RAB3C: variants seen among roughly 807,000 people sequenced by gnomAD.
RAB3C encodes ras-related protein Rab-3C.
Under a neutral mutation model 26.4 loss-of-function variants are expected in RAB3C, and 17 were observed. The observed-to-expected ratio is 0.64, with a 90% CI of 0.44 to 0.97. The LOEUF (loss-of-function observed/expected upper bound fraction) is 0.97, where lower values mean the gene tolerates loss of function less well. RAB3C is among the 50% of genes least tolerant of loss of function. RAB3C has a pLI of 0.00. For missense variants in RAB3C, 242 were observed against 281.9 expected (o/e 0.86, Z 1.01); for synonymous variants, 91 against 95.9 (o/e 0.95, Z 0.30).
chr5:58,823,038 C>A, intron 3 of RAB3C: 1 of 574,306 alleles, frequency 1.7e-6, no homozygotes, highest in Non-Finnish European at 3.3e-6. Flanking sequence ...CCTCACAGTA[C>A]CAGATGATTC....
At chr5:58,841,477 G>A (rs1026360295) in intron 4 of RAB3C, among the ~76,000 whole-genome samples, 2 of 152,162 alleles carry the variant, frequency 1.3e-5, no homozygotes, top group Non-Finnish European at 2.9e-5. Flanking sequence ...CCCCAGAGAA[G>A]GGTGGACCCC....
chr5:58,681,671 T>C (rs1256115483), intron 2 of RAB3C, among the ~76,000 whole-genome samples: 1 of 151,974 alleles, frequency 6.6e-6, no homozygotes, highest in Non-Finnish European at 1.5e-5. Flanking sequence ...GTGGCTGGAG[T>C]TGAGGATACA....
chr5:58,624,388 CA>C (rs1219935023), intron 2 of RAB3C, among the ~76,000 whole-genome samples: 3 of 152,182 alleles, frequency 2.0e-5, no homozygotes, highest in African/African-American at 7.2e-5. Context: ...ACTGAGCTAA[CA>C]AAGCCTGATT....
intron 2 of RAB3C, among the ~76,000 whole-genome samples, chr5:58,649,854 T>C (rs1176970202): frequency 6.6e-6 from 1 of 152,160 alleles, no homozygotes; most frequent in Non-Finnish European, 1.5e-5. Flanking sequence ...GGTCTGCCCA[T>C]CACAGACAGC....
At chr5:58,614,139 G>A (rs1442035471) in intron 1 of RAB3C, among the ~76,000 whole-genome samples, 1 of 151,992 alleles carries the variant, frequency 6.6e-6, no homozygotes, top group African/African-American at 2.4e-5. Context: ...AGTTATTTTT[G>A]TATATCTTTT....
chr5:58,587,918 A>G (rs1394332606), intron 1 of RAB3C, among the ~76,000 whole-genome samples: 3 of 152,162 alleles, frequency 2.0e-5, no homozygotes, highest in Non-Finnish European at 2.9e-5. Context: ...ATAGTTCTGT[A>G]GAACATGCAG....
At chr5:58,845,731 C>T (rs1223916880) in intron 4 of RAB3C, among the ~76,000 whole-genome samples, 1 of 148,842 alleles carries the variant, frequency 6.7e-6, no homozygotes, top group African/African-American at 2.5e-5. Flanking sequence ...TAAAATTCAC[C>T]CATTTGAAGT....
intron 2 of RAB3C, among the ~76,000 whole-genome samples, chr5:58,693,328 A>G (rs1227525277): frequency 5.2e-5 from 4 of 77,390 alleles, no homozygotes; most frequent in African/African-American, 2.0e-4. Context: ...GAAATTATAT[A>G]TATATGTGTA....
At chr5:58,686,726 C>A (rs2111850830) in intron 2 of RAB3C, among the ~76,000 whole-genome samples, 1 of 151,792 alleles carries the variant, frequency 6.6e-6, no homozygotes, top group African/African-American at 2.4e-5. Context: ...GCAGTTAATT[C>A]TTAGAGCCAG....
At chr5:58,660,584 T>G (rs1747882430) in intron 2 of RAB3C, among the ~76,000 whole-genome samples, 1 of 150,270 alleles carries the variant, frequency 6.7e-6, no homozygotes, top group Non-Finnish European at 1.5e-5. Context: ...GCAGCCCCAT[T>G]TTATCACATG....
At chr5:58,710,183 A>G (rs1349663274) in intron 2 of RAB3C, among the ~76,000 whole-genome samples, 2 of 152,166 alleles carry the variant, frequency 1.3e-5, no homozygotes, top group African/African-American at 2.4e-5. Context: ...TCATCCCACT[A>G]TGGTTTTAGA....
At chr5:58,816,665 A>G (rs916214540) in intron 3 of RAB3C, among the ~76,000 whole-genome samples, 9 of 152,146 alleles carry the variant, frequency 5.9e-5, no homozygotes, top group Non-Finnish European at 1.2e-4. Flanking sequence ...TCAAATTTTT[A>G]TGAATTTTAG....
intron 3 of RAB3C, among the ~76,000 whole-genome samples, chr5:58,804,667 A>ATGTGTG (rs142259686): frequency 0.056 from 8,346 of 149,344 alleles, 656 homozygotes; most frequent in African/African-American, 0.17. Flanking sequence ...TGGGGTGCAT[A>ATGTGTG]TGTGTGTGTG....
chr5:58,698,329 C>T (rs982101664), intron 2 of RAB3C, among the ~76,000 whole-genome samples: 4 of 152,192 alleles, frequency 2.6e-5, no homozygotes, highest in African/African-American at 7.2e-5. Context: ...TGAGGGTAAC[C>T]TGACCTTTCT....
intron 1 of RAB3C, among the ~76,000 whole-genome samples, chr5:58,603,736 A>G (rs375389093): frequency 9.2e-5 from 14 of 152,056 alleles, no homozygotes; most frequent in African/African-American, 2.9e-4. Flanking sequence ...ATTTCCTTAC[A>G]TTGGGTTTCA....
At chr5:58,659,604 A>G (rs1265856437) in intron 2 of RAB3C, among the ~76,000 whole-genome samples, 2 of 152,258 alleles carry the variant, frequency 1.3e-5, no homozygotes, top group Non-Finnish European at 2.9e-5. Flanking sequence ...GTTTATACCA[A>G]GAAAACAGTT....
At chr5:58,692,479 C>A (rs1318625827) in intron 2 of RAB3C, among the ~76,000 whole-genome samples, 1 of 151,914 alleles carries the variant, frequency 6.6e-6, no homozygotes, top group East Asian at 1.9e-4. Flanking sequence ...CTACTACCAC[C>A]AAGATAACAT....
intron 1 of RAB3C, among the ~76,000 whole-genome samples, chr5:58,612,518 G>GTGTGTGTATATATATA (rs1242197761): frequency 2.5e-5 from 1 of 40,584 alleles, no homozygotes; most frequent in African/African-American, 7.9e-5. Flanking sequence ...GTGTGTGTGT[G>GTGTGTGTATATATATA]TGTATATATA....
chr5:58,801,669 C>A (rs978452478), intron 3 of RAB3C, among the ~76,000 whole-genome samples: 1 of 152,268 alleles, frequency 6.6e-6, no homozygotes, highest in African/African-American at 2.4e-5. Context: ...CAGAGGCCAA[C>A]TCTCTGGAGA....
Sources: gnomAD v4.1 joint callset for allele counts (sites outside exome capture counted in the v4.1 genomes callset) on GRCh38, gnomAD v4.1.1 for gene constraint, MANE v1.5 for transcripts, NCBI Gene and HGNC (gene_info 2026-07-23, HGNC 2026-07-21) for gene names.